Variants in TTC28 observed in about 807,000 individuals in gnomAD.
The protein encoded by TTC28 is tetratricopeptide repeat domain 28.
TTC28 carries 61 observed loss-of-function variants against 198.0 expected under a neutral mutation model. The observed-to-expected ratio is 0.31, with a 90% CI of 0.25 to 0.38. The LOEUF (loss-of-function observed/expected upper bound fraction) is 0.38. TTC28 is among the 10% of genes least tolerant of loss of function. The probability of loss-of-function intolerance (pLI) is 1.00; values close to 1 mark genes in which losing one functional copy is unlikely to be tolerated. For synonymous variants in TTC28, 1,171 were observed against 1,297.8 expected (o/e 0.90, Z 2.10); for missense variants, 2,678 against 3,164.0 (o/e 0.85, Z 3.69).
intron 12 of TTC28, among the ~76,000 whole-genome samples, chr22:28,073,246 T>A (rs1470173716): frequency 1.3e-5 from 2 of 152,186 alleles, no homozygotes; most frequent in Non-Finnish European, 2.9e-5. Flanking sequence ...ATTGAGGAAC[T>A]GCATGAGAAA....
At chr22:28,573,775 T>C (rs1266910872) in intron 2 of TTC28, among the ~76,000 whole-genome samples, 1 of 152,156 alleles carries the variant, frequency 6.6e-6, no homozygotes, top group Admixed American at 6.6e-5. Flanking sequence ...TGTCGTGCTA[T>C]CAAATACTAG....
intron 2 of TTC28, among the ~76,000 whole-genome samples, chr22:28,380,167 G>A (rs9613604): frequency 6.6e-6 from 1 of 151,380 alleles, no homozygotes; most frequent in African/African-American, 2.4e-5. Context: ...AAAAGAAGAA[G>A]AAAGCCTGAC....
intron 2 of TTC28, among the ~76,000 whole-genome samples, chr22:28,322,997 G>A (rs2045470949): frequency 1.3e-5 from 2 of 152,006 alleles, no homozygotes; most frequent in African/African-American, 4.8e-5. Context: ...ATTACATTGG[G>A]CCCACACACA....
At chr22:28,062,344 A>G (rs1489482564) in intron 12 of TTC28, among the ~76,000 whole-genome samples, 1 of 150,080 alleles carries the variant, frequency 6.7e-6, no homozygotes, top group Non-Finnish European at 1.5e-5. Context: ...TACAGGCATG[A>G]GCTGCTGCAT....
chr22:28,097,448 C>T (rs1438852184), intron 10 of TTC28, among the ~76,000 whole-genome samples: 3 of 152,138 alleles, frequency 2.0e-5, no homozygotes, highest in African/African-American at 4.8e-5. Context: ...TCTAAGGTCT[C>T]TAGTTCTTTA....
chr22:28,211,611 G>A lies in TTC28; in HGVS notation c.934-48012C>T, dbSNP rs187710984. Among the ~76,000 whole-genome samples, 1,056 of 152,162 alleles carry A rather than the reference G, an allele frequency of 6.9e-3. 20 individuals are homozygous for A. The highest frequency in any genetic ancestry group is 0.024 in the African/African-American group (1,009 of 41,498). On this transcript the variant is annotated intron_variant, in intron 5 of 22. Transcript: ENST00000397906. ...CCTAAATATATATGCACCCAATACA[G>A]GAGCACCCAGATTCATAAAGCAAGT...
At chr22:28,038,579 T>C (rs1939464607) in intron 12 of TTC28, among the ~76,000 whole-genome samples, 1 of 152,176 alleles carries the variant, frequency 6.6e-6, no homozygotes. Context: ...GAAGAAAACC[T>C]AGGCAATACC....
chr22:28,372,599 C>G (rs576082187), intron 2 of TTC28, among the ~76,000 whole-genome samples: 3 of 151,650 alleles, frequency 2.0e-5, no homozygotes, highest in Non-Finnish European at 4.4e-5. Flanking sequence ...TCCAAGATTA[C>G]GCTCTTTGTT....
chr22:28,188,194 T>C (rs950787031), intron 5 of TTC28, among the ~76,000 whole-genome samples: 1 of 151,722 alleles, frequency 6.6e-6, no homozygotes. Flanking sequence ...CTCAGTAAAA[T>C]AATAGTGATA....
intron 5 of TTC28, among the ~76,000 whole-genome samples, chr22:28,231,203 A>C (rs1928777256): frequency 6.6e-6 from 1 of 152,250 alleles, no homozygotes; most frequent in South Asian, 2.1e-4. Context: ...TAGTCTCTGC[A>C]CTTGAAGAAC....
intron 2 of TTC28, among the ~76,000 whole-genome samples, chr22:28,475,564 T>C (rs1382045436): frequency 2.0e-5 from 3 of 152,196 alleles, no homozygotes; most frequent in African/African-American, 7.2e-5. Flanking sequence ...ACTTTACTGC[T>C]CTTCCTGGTT....
chr22:28,553,912 G>A (rs544183217), intron 2 of TTC28, among the ~76,000 whole-genome samples: 2,410 of 152,352 alleles, frequency 0.016, 75 homozygotes, highest in African/African-American at 0.056. Context: ...GATGACAGTG[G>A]CAGTTTTGTG....
At chr22:28,328,443 TA>T (rs978447948) in intron 2 of TTC28, among the ~76,000 whole-genome samples, 5 of 151,342 alleles carry the variant, frequency 3.3e-5, no homozygotes, top group Non-Finnish European at 7.4e-5. Context: ...CCTGTTTCTT[TA>T]AAAAAATATA....
At chr22:28,415,199 T>G (rs1171598868) in intron 2 of TTC28, among the ~76,000 whole-genome samples, 1 of 152,056 alleles carries the variant, frequency 6.6e-6, no homozygotes, top group Non-Finnish European at 1.5e-5. Context: ...GGGTCTGAGT[T>G]TAACAAAATC....
chr22:28,485,403 C>G lies in TTC28; in HGVS notation c.381+144149G>C, dbSNP rs574669484. Reference sequence around the variant, plus strand: ...TTTAATCTTAGTATAAATATATAAACTGCTATCTTAACATAAGGTATTTGC... The same window carrying G: ...TTTAATCTTAGTATAAATATATAAAGTGCTATCTTAACATAAGGTATTTGC... On this transcript the variant is annotated intron_variant, in intron 2 of 22. Coordinates refer to ENST00000397906, the MANE Select transcript of TTC28 (RefSeq NM_001145418.2). 2.3e-4 allele frequency among the ~76,000 whole-genome samples: 35 copies of G among 152,200 alleles called. No individual in the cohort carries two copies. The South Asian group carries it at 6.6e-3, about 29-fold the overall frequency.
chr22:28,618,549 G>A (rs1323963160), intron 2 of TTC28, among the ~76,000 whole-genome samples: 1 of 151,970 alleles, frequency 6.6e-6, no homozygotes, highest in Non-Finnish European at 1.5e-5. Context: ...GGGCGTGGTA[G>A]CGCATGCCTG....
intron 1 of TTC28, among the ~76,000 whole-genome samples, chr22:28,650,767 A>C (rs1013826874): frequency 2.6e-5 from 4 of 152,228 alleles, no homozygotes; most frequent in African/African-American, 9.6e-5. Context: ...ACATCAATAT[A>C]AGAGTCAAGG....
chr22:28,256,324 G>GA (rs201417961), intron 5 of TTC28, among the ~76,000 whole-genome samples: 3,677 of 151,032 alleles, frequency 0.024, 175 homozygotes, highest in African/African-American at 0.086. Context: ...AGGAGGCTGA[G>GA]ACAGGAGAAT....
At chr22:28,099,888 A>T (rs1213245090) in intron 9 of TTC28, among the ~76,000 whole-genome samples, 1 of 152,176 alleles carries the variant, frequency 6.6e-6, no homozygotes, top group Non-Finnish European at 1.5e-5. Flanking sequence ...CTCTTTGCAG[A>T]TGGTTCAGTG....
Sources: allele counts gnomAD v4.1 joint callset (sites outside exome capture counted in the v4.1 genomes callset), GRCh38; gene constraint gnomAD v4.1.1; transcripts MANE v1.5; gene names NCBI Gene and HGNC (gene_info 2026-07-23, HGNC 2026-07-21).